The following GALNTL6 variants were observed in gnomAD, a reference collection of about 807,000 sequenced individuals.
GALNTL6 encodes polypeptide N-acetylgalactosaminyltransferase-like 6.
A neutral mutation model predicts 73.7 loss-of-function variants in GALNTL6; 46 were observed. The observed-to-expected ratio is 0.62, with a 90% CI of 0.49 to 0.80. The LOEUF is 0.80. Ranked by LOEUF, GALNTL6 falls within the 30% of genes least tolerant of loss-of-function variation. The pLI is 0.00. For synonymous variants in GALNTL6, 259 were observed against 263.7 expected (o/e 0.98, Z 0.17); for missense variants, 604 against 755.0 (o/e 0.80, Z 2.34).
chr4:172,086,146 G>A (rs1261871583), intron 2 of GALNTL6, among the ~76,000 whole-genome samples: 1 of 152,020 alleles, frequency 6.6e-6, no homozygotes, highest in Non-Finnish European at 1.5e-5. Flanking sequence ...GATTTAGTAA[G>A]GTCAAATAGT....
At chr4:171,957,284 G>A (rs1357707681) in intron 2 of GALNTL6, among the ~76,000 whole-genome samples, 1 of 152,158 alleles carries the variant, frequency 6.6e-6, no homozygotes, top group African/African-American at 2.4e-5. Flanking sequence ...ATATGCTGCT[G>A]CTTTTACAAT....
intron 7 of GALNTL6, among the ~76,000 whole-genome samples, chr4:172,831,276 T>G (rs1030384321): frequency 6.7e-6 from 1 of 150,318 alleles, no homozygotes; most frequent in Non-Finnish European, 1.5e-5. Context: ...CTGCAGCTAA[T>G]GCAGAGTGGC....
intron 2 of GALNTL6, among the ~76,000 whole-genome samples, chr4:172,109,559 G>A (rs1009805950): frequency 6.6e-6 from 1 of 152,156 alleles, no homozygotes; most frequent in Non-Finnish European, 1.5e-5. Context: ...GTAAAGTTGT[G>A]AATAACTCTG....
chr4:172,553,506 G>T (rs1270516782), intron 5 of GALNTL6, among the ~76,000 whole-genome samples: 1 of 152,204 alleles, frequency 6.6e-6, no homozygotes, highest in East Asian at 1.9e-4. Context: ...TTCATGAAAA[G>T]ATAGTCTTTT....
chr4:171,985,014 A>G (rs1216761712), intron 2 of GALNTL6, among the ~76,000 whole-genome samples: 6 of 151,998 alleles, frequency 3.9e-5, no homozygotes, highest in Non-Finnish European at 8.8e-5. Context: ...AAAAGAAAAG[A>G]AAACCCAACT....
intron 5 of GALNTL6, among the ~76,000 whole-genome samples, chr4:172,714,525 C>T (rs1464528575): frequency 6.6e-6 from 1 of 152,076 alleles, no homozygotes; most frequent in Non-Finnish European, 1.5e-5. Flanking sequence ...ACATGTATTG[C>T]ACTCTAAGAA....
intron 5 of GALNTL6, among the ~76,000 whole-genome samples, chr4:172,540,335 C>T (rs572406025): frequency 1.4e-4 from 22 of 152,140 alleles, no homozygotes; most frequent in African/African-American, 3.9e-4. Context: ...CCACTGCACC[C>T]GGCCTGGAGC....
intron 2 of GALNTL6, among the ~76,000 whole-genome samples, chr4:171,898,854 T>A (rs1254016680): frequency 6.6e-6 from 1 of 152,088 alleles, no homozygotes; most frequent in East Asian, 1.9e-4. Flanking sequence ...AATATTTTTG[T>A]ATATAAATTG....
chr4:172,654,810 T>C (rs1418331406), intron 5 of GALNTL6, among the ~76,000 whole-genome samples: 1 of 152,228 alleles, frequency 6.6e-6, no homozygotes, highest in Non-Finnish European at 1.5e-5. Context: ...TGGCCTAGGA[T>C]GGTGAAGCAA....
chr4:172,249,986 T>A (rs1737799741), intron 3 of GALNTL6, among the ~76,000 whole-genome samples: 1 of 152,084 alleles, frequency 6.6e-6, no homozygotes, highest in Admixed American at 6.5e-5. Flanking sequence ...GCCACCATCC[T>A]CCAGACCCTA....
chr4:172,650,430 T>A (rs1174710890), intron 5 of GALNTL6, among the ~76,000 whole-genome samples: 1 of 152,094 alleles, frequency 6.6e-6, no homozygotes, highest in Non-Finnish European at 1.5e-5. Context: ...GGAAATATAA[T>A]CTTCTTCAGA....
intron 5 of GALNTL6, among the ~76,000 whole-genome samples, chr4:172,797,736 G>A (rs779806479): frequency 4.0e-5 from 6 of 151,678 alleles, no homozygotes; most frequent in East Asian, 3.9e-4. Flanking sequence ...ACAGGGTTTC[G>A]CCAAGTTGGC....
At chr4:172,728,507 A>C (rs1272818875) in intron 5 of GALNTL6, among the ~76,000 whole-genome samples, 100 of 150,394 alleles carry the variant, frequency 6.6e-4, no homozygotes, top group African/African-American at 2.3e-3. Flanking sequence ...TATACAATGA[A>C]ATATATATGT....
At chr4:172,742,547 G>GAGCACAAA (rs1377866271) in intron 5 of GALNTL6, among the ~76,000 whole-genome samples, 1 of 151,812 alleles carries the variant, frequency 6.6e-6, no homozygotes, top group African/African-American at 2.4e-5. Context: ...AAAACTAACA[G>GAGCACAAA]AGCACAAAGT....
chr4:172,261,586 T>G (rs1260196814), intron 3 of GALNTL6, among the ~76,000 whole-genome samples: 1 of 151,486 alleles, frequency 6.6e-6, no homozygotes, highest in Non-Finnish European at 1.5e-5. Flanking sequence ...TGTATTTTTT[T>G]GTTTCAATTT....
At chr4:172,258,548 A>G (rs1457663857) in intron 3 of GALNTL6, among the ~76,000 whole-genome samples, 1 of 151,280 alleles carries the variant, frequency 6.6e-6, no homozygotes, top group Non-Finnish European at 1.5e-5. Context: ...GTTTATATAT[A>G]TCAGGTCTCA....
At chr4:172,707,948 G>C (rs946513067) in intron 5 of GALNTL6, among the ~76,000 whole-genome samples, 1 of 152,134 alleles carries the variant, frequency 6.6e-6, no homozygotes, top group African/African-American at 2.4e-5. Context: ...GAGAGCCAAA[G>C]CCAAGGTCTA....
chr4:172,942,620 T>C (rs1748967669), intron 9 of GALNTL6, among the ~76,000 whole-genome samples: 1 of 152,156 alleles, frequency 6.6e-6, no homozygotes, highest in African/African-American at 2.4e-5. Flanking sequence ...TCGCATATGC[T>C]TGTGCACCCA....
At chr4:172,694,397 T>C (rs998044769) in intron 5 of GALNTL6, among the ~76,000 whole-genome samples, 2 of 152,206 alleles carry the variant, frequency 1.3e-5, no homozygotes, top group Non-Finnish European at 2.9e-5. Context: ...ATGCAGTGTT[T>C]TGTTTTCTGT....
Sources: allele counts gnomAD v4.1 joint callset (sites outside exome capture counted in the v4.1 genomes callset), GRCh38; gene constraint gnomAD v4.1.1; transcripts MANE v1.5; gene names NCBI Gene and HGNC (gene_info 2026-07-23, HGNC 2026-07-21).